The following GNG7 variants were observed in gnomAD, a reference collection of about 807,000 sequenced individuals.
The protein encoded by GNG7 is G protein subunit gamma 7.
GNG7 carries 1 observed loss-of-function variant against 4.0 expected under a neutral mutation model. That is an observed-to-expected ratio of 0.25 (90% CI 0.09 to 1.18). The LOEUF is 1.18. Ranked by LOEUF, GNG7 falls within the 50% of genes most tolerant of loss-of-function variation. The pLI is 0.50. For synonymous variants in GNG7, 34 were observed against 36.9 expected (o/e 0.92, Z 0.29); for missense variants, 86 against 91.9 (o/e 0.94, Z 0.26).
intron 2 of GNG7, among the ~76,000 whole-genome samples, chr19:2,602,512 G>T (rs1376013959): frequency 6.6e-6 from 1 of 152,218 alleles, no homozygotes; most frequent in Non-Finnish European, 1.5e-5. Flanking sequence ...GAAGCAGCAG[G>T]TTCTGCCAGC....
intron 3 of GNG7, among the ~76,000 whole-genome samples, chr19:2,542,475 G>A (rs766947432): frequency 1.2e-4 from 19 of 152,116 alleles, no homozygotes; most frequent in Non-Finnish European, 1.9e-4. Flanking sequence ...GCAAGGAAAG[G>A]GGGACTGCGC....
At position 2,626,806 on chromosome 19, in the gene GNG7, G is replaced by C. The variant is rs998354336; in HGVS notation, c.-78+19418C>G. ...CCCTGACTAATATTCCCTCACATCG[G>C]TCCATGCTCCTGGCATGGAGTGGGT... On this transcript the variant is annotated intron_variant, in intron 2 of 4. Coordinates refer to ENST00000382159, the MANE Select transcript of GNG7 (RefSeq NM_052847.3). The surrounding 1 kb of genome is among the most constrained non-coding windows in gnomAD (Gnocchi z 5.0). Among the ~76,000 whole-genome samples the C allele has an allele frequency of 1.3e-5, 2 of 152,162 alleles. No individual in the cohort carries two copies. Among genetic ancestry groups the C allele is most frequent in the African/African-American group, 4.8e-5 (2 of 41,432 alleles).
At chr19:2,661,330 A>T (rs556561968) in intron 1 of GNG7, among the ~76,000 whole-genome samples, 1 of 147,572 alleles carries the variant, frequency 6.8e-6, no homozygotes, top group Non-Finnish European at 1.5e-5. Flanking sequence ...GAAAGAAAGA[A>T]AGAAAGAAAG....
At chr19:2,698,882 C>T (rs1263872952) in intron 1 of GNG7, among the ~76,000 whole-genome samples, 1 of 152,090 alleles carries the variant, frequency 6.6e-6, no homozygotes, top group Non-Finnish European at 1.5e-5. Context: ...CAGTGGGGCC[C>T]CAGGGTTTAC....
chr19:2,545,634 A>T (rs1979099941), intron 3 of GNG7, among the ~76,000 whole-genome samples: 1 of 138,984 alleles, frequency 7.2e-6, no homozygotes, highest in Non-Finnish European at 1.5e-5. Flanking sequence ...CTAAGCAACA[A>T]GAGCGAAACT....
chr19:2,596,338 G>A (rs142655509), intron 2 of GNG7, among the ~76,000 whole-genome samples: 54 of 150,258 alleles, frequency 3.6e-4, no homozygotes, highest in African/African-American at 8.6e-4. Flanking sequence ...CAGCCTGGGC[G>A]ACAGAGTGAG....
At position 2,589,127 on chromosome 19, in the gene GNG7, C is replaced by T. The variant is rs1287569249; in HGVS notation, c.-77-33939G>A. Among the ~76,000 whole-genome samples, 13 of 151,700 alleles carry T rather than the reference C, an allele frequency of 8.6e-5. No individual in the cohort carries two copies. The East Asian group carries it at 2.5e-3, about 30-fold the overall frequency. ...ATTTTTAGTAGAGATGGGGTTTCTC[C>T]ACCTTGGTCAGGCTGGTCTCGAACT... On this transcript the variant is annotated intron_variant, in intron 2 of 4. Coordinates refer to ENST00000382159, the MANE Select transcript of GNG7 (RefSeq NM_052847.3).
intron 2 of GNG7, among the ~76,000 whole-genome samples, chr19:2,595,734 C>CAA (rs778284283): frequency 6.2e-4 from 57 of 91,728 alleles, no homozygotes; most frequent in Admixed American, 7.1e-4. Context: ...GACTCTGTCT[C>CAA]AAAAAAAAAA....
At chr19:2,690,741 G>A (rs542677301) in intron 1 of GNG7, among the ~76,000 whole-genome samples, 2 of 152,126 alleles carry the variant, frequency 1.3e-5, no homozygotes, top group African/African-American at 2.4e-5. Context: ...TTACAGGCAC[G>A]CACCACCACG....
At chr19:2,536,652 G>A (rs915402028) in intron 3 of GNG7, among the ~76,000 whole-genome samples, 9 of 152,208 alleles carry the variant, frequency 5.9e-5, no homozygotes, top group African/African-American at 1.7e-4. Context: ...GGCCTGCAGC[G>A]AGGTCCCGAC....
At chr19:2,524,423 A>G (rs1006920471) in intron 3 of GNG7, among the ~76,000 whole-genome samples, 1 of 152,090 alleles carries the variant, frequency 6.6e-6, no homozygotes, top group Non-Finnish European at 1.5e-5. Flanking sequence ...CAGTGTGCAC[A>G]TGTGTATGTG....
intron 2 of GNG7, among the ~76,000 whole-genome samples, chr19:2,562,820 A>C (rs970421668): frequency 5.3e-5 from 8 of 152,098 alleles, no homozygotes; most frequent in African/African-American, 1.7e-4. Context: ...CCACACTCTG[A>C]GTGGGGAGGG....
intron 3 of GNG7, among the ~76,000 whole-genome samples, chr19:2,537,802 A>C (rs1323047115): frequency 1.3e-5 from 2 of 152,134 alleles, no homozygotes; most frequent in Non-Finnish European, 2.9e-5. Context: ...GAAGCGACAC[A>C]GAATTTCAAA....
At chr19:2,695,411 C>T (rs1244150151) in intron 1 of GNG7, among the ~76,000 whole-genome samples, 3 of 152,172 alleles carry the variant, frequency 2.0e-5, no homozygotes, top group Non-Finnish European at 2.9e-5. Flanking sequence ...TCTCCACGGC[C>T]CCCACACCAG....
intron 1 of GNG7, among the ~76,000 whole-genome samples, chr19:2,675,208 G>A (rs1473147411): frequency 6.6e-6 from 1 of 152,188 alleles, no homozygotes; most frequent in Non-Finnish European, 1.5e-5. Flanking sequence ...ACGGATGCAC[G>A]CCAGAAATTC....
At chr19:2,537,209 A>G (rs892566329) in intron 3 of GNG7, among the ~76,000 whole-genome samples, 2 of 151,406 alleles carry the variant, frequency 1.3e-5, no homozygotes, top group Non-Finnish European at 2.9e-5. Context: ...TCGGCCTCCC[A>G]AAGTGCTGGG....
rs996666067 is a variant in GNG7, at chr19:2,618,801, G to A, written c.-78+27423C>T. ...AGGGCATTGCTCACAGCTGGGGAAC[G>A]CTGGCACCTTCCTAGTAACCAAATG... is the stretch of plus-strand genomic sequence containing the variant. On this transcript the variant is annotated intron_variant, in intron 2 of 4. Coordinates refer to ENST00000382159, the MANE Select transcript of GNG7 (RefSeq NM_052847.3). This position sits in a 1 kb window ranked among gnomAD's most constrained non-coding sequence, Gnocchi z 5.1. Among the ~76,000 whole-genome samples the A allele has an allele frequency of 2.6e-5, 4 of 152,172 alleles. No homozygotes were observed. The highest frequency in any genetic ancestry group is 4.4e-5 in the Non-Finnish European group (3 of 68,006).
chr19:2,584,200 CGGGAGGCTGAGGT>C (rs1396128341), intron 2 of GNG7, among the ~76,000 whole-genome samples: 2 of 148,714 alleles, frequency 1.3e-5, no homozygotes, highest in African/African-American at 5.0e-5. Context: ...CCTACCACTT[CGGGAGGCTGAGGT>C]GGGAGGATGG....
At chr19:2,563,836 C>T (rs1266807359) in intron 2 of GNG7, among the ~76,000 whole-genome samples, 1 of 152,122 alleles carries the variant, frequency 6.6e-6, no homozygotes, top group Non-Finnish European at 1.5e-5. Context: ...AATTTTTAGC[C>T]TAATTGTGAA....
Sources: gnomAD v4.1 joint callset for allele counts (sites outside exome capture counted in the v4.1 genomes callset) on GRCh38, gnomAD v4.1.1 for gene constraint, Gnocchi (gnomAD v3.1) non-coding constraint, MANE v1.5 for transcripts, NCBI Gene and HGNC (gene_info 2026-07-23, HGNC 2026-07-21) for gene names.